The following EXOC6B variants were observed in gnomAD, a reference collection of about 807,000 sequenced individuals.
EXOC6B encodes SEC15 homolog B.
In EXOC6B, 54 loss-of-function variants were observed where a neutral mutation model predicts 113.5. That is an observed-to-expected ratio of 0.48 (90% CI 0.38 to 0.60). The LOEUF (loss-of-function observed/expected upper bound fraction) is 0.60. Ranked by LOEUF, EXOC6B falls within the 20% of genes least tolerant of loss-of-function variation. The pLI is 0.00. For synonymous variants in EXOC6B, 357 were observed against 339.0 expected (o/e 1.05, Z -0.58); for missense variants, 797 against 977.5 (o/e 0.82, Z 2.46).
intron 18 of EXOC6B, among the ~76,000 whole-genome samples, chr2:72,401,883 G>C (rs1693357806): frequency 6.7e-6 from 1 of 149,906 alleles, no homozygotes; most frequent in Non-Finnish European, 1.5e-5. Flanking sequence ...AAAAATTATA[G>C]CATCAATAAT....
intron 20 of EXOC6B, among the ~76,000 whole-genome samples, chr2:72,209,223 CAAAAAAAAAAAAAAA>C (rs1170760516): frequency 1.8e-5 from 1 of 57,104 alleles, no homozygotes; most frequent in Non-Finnish European, 3.3e-5. Context: ...AACTCAGTCT[CAAAAAAAAAAAAAAA>C]AAAAAAAAAG....
At chr2:72,691,904 G>C (rs1378306943) in intron 6 of EXOC6B, among the ~76,000 whole-genome samples, 1 of 151,626 alleles carries the variant, frequency 6.6e-6, no homozygotes, top group Non-Finnish European at 1.5e-5. Flanking sequence ...GTCTGGTCTT[G>C]AAATCCTGAC....
chr2:72,377,842 TG>T (rs1433932182), intron 19 of EXOC6B, among the ~76,000 whole-genome samples: 1 of 152,140 alleles, frequency 6.6e-6, no homozygotes, highest in Non-Finnish European at 1.5e-5. Flanking sequence ...AAGGAGACTT[TG>T]TTTTTTTAAC....
At chr2:72,472,631 T>C (rs891777912) in intron 17 of EXOC6B, among the ~76,000 whole-genome samples, 1 of 152,092 alleles carries the variant, frequency 6.6e-6, no homozygotes, top group Non-Finnish European at 1.5e-5. Flanking sequence ...TTATCAATTT[T>C]ACCTTTTCAA....
chr2:72,368,478 A>T (rs533138455), intron 19 of EXOC6B, among the ~76,000 whole-genome samples: 1 of 152,310 alleles, frequency 6.6e-6, no homozygotes, highest in Admixed American at 6.5e-5. Context: ...TATTCCAATC[A>T]ATAGAAAAAG....
intron 16 of EXOC6B, among the ~76,000 whole-genome samples, chr2:72,489,775 G>A (rs968600604): frequency 2.0e-5 from 3 of 152,120 alleles, no homozygotes; most frequent in African/African-American, 7.2e-5. Context: ...ATAATGAATA[G>A]TCACATAAAG....
chr2:72,688,112 A>G (rs1404706724), intron 6 of EXOC6B, among the ~76,000 whole-genome samples: 2 of 152,230 alleles, frequency 1.3e-5, no homozygotes, highest in African/African-American at 4.8e-5. Flanking sequence ...GAATGGGAGA[A>G]TAACTTCGAT....
At chr2:72,408,033 C>T (rs1384393766) in intron 18 of EXOC6B, among the ~76,000 whole-genome samples, 1 of 149,660 alleles carries the variant, frequency 6.7e-6, no homozygotes, top group African/African-American at 2.6e-5. Context: ...GATAGAAAAT[C>T]AATGTGCACA....
At chr2:72,679,315 G>T (rs955033190) in intron 6 of EXOC6B, among the ~76,000 whole-genome samples, 2 of 152,024 alleles carry the variant, frequency 1.3e-5, no homozygotes. Context: ...TGATCCACTC[G>T]CCTCAGCCTC....
chr2:72,438,187 T>C (rs1243034215), intron 18 of EXOC6B, among the ~76,000 whole-genome samples: 2 of 152,116 alleles, frequency 1.3e-5, no homozygotes, highest in Non-Finnish European at 2.9e-5. Flanking sequence ...AAATTAGAAT[T>C]GTATTACACC....
At chr2:72,246,747 G>A (rs1252664237) in intron 20 of EXOC6B, among the ~76,000 whole-genome samples, 1 of 151,948 alleles carries the variant, frequency 6.6e-6, no homozygotes, top group Non-Finnish European at 1.5e-5. Context: ...CAAAGCACTG[G>A]GTTTACAGGC....
At chr2:72,600,964 G>T (rs555207187) in intron 6 of EXOC6B, among the ~76,000 whole-genome samples, 1 of 151,742 alleles carries the variant, frequency 6.6e-6, no homozygotes, top group African/African-American at 2.4e-5. Flanking sequence ...AAAAAAAAAG[G>T]GAAAGGATTC....
At chr2:72,306,627 A>T (rs551893231) in intron 20 of EXOC6B, among the ~76,000 whole-genome samples, 1 of 152,318 alleles carries the variant, frequency 6.6e-6, no homozygotes, top group Admixed American at 6.5e-5. Context: ...ACCCTCTTTA[A>T]GTAATTTTAT....
At chr2:72,267,201 A>G (rs1331414594) in intron 20 of EXOC6B, among the ~76,000 whole-genome samples, 1 of 152,220 alleles carries the variant, frequency 6.6e-6, no homozygotes. Context: ...GTTGTCTGCA[A>G]ACAGGGACAA....
intron 20 of EXOC6B, among the ~76,000 whole-genome samples, chr2:72,198,772 C>T (rs1003658941): frequency 1.3e-5 from 2 of 152,174 alleles, no homozygotes; most frequent in Admixed American, 1.3e-4. Flanking sequence ...TCTCTGAGTT[C>T]TTTTGTATGT....
intron 18 of EXOC6B, among the ~76,000 whole-genome samples, chr2:72,416,098 CA>C (rs2105241916): frequency 6.6e-6 from 1 of 152,250 alleles, no homozygotes; most frequent in African/African-American, 2.4e-5. Context: ...GCTTTCATGG[CA>C]GAGGGATGAC....
intron 19 of EXOC6B, among the ~76,000 whole-genome samples, chr2:72,357,722 A>T (rs1690056069): frequency 6.6e-6 from 1 of 152,064 alleles, no homozygotes; most frequent in African/African-American, 2.4e-5. Context: ...GAACTGAAAA[A>T]TTCCTATTGC....
At chr2:72,476,144 T>C (rs1698725377) in intron 17 of EXOC6B, among the ~76,000 whole-genome samples, 1 of 152,164 alleles carries the variant, frequency 6.6e-6, no homozygotes, top group Non-Finnish European at 1.5e-5. Context: ...CTATGTTAGT[T>C]TCAGGGCAAG....
In EXOC6B at chr2:72,500,363, AAC is replaced by A. The variant is rs1228364207; in HGVS notation, c.1168-393_1168-392del. On this transcript the variant is annotated intron_variant, in intron 11 of 21. Transcript: ENST00000272427. The stretch of plus-strand genomic sequence containing the variant: ...GTATTTCTTTATGTAAACATCACAA[AAC>A]ACAAAAGATTGAAAATAAACAAACT... 8.5e-5 allele frequency among the ~76,000 whole-genome samples: 13 copies of A among 152,272 alleles called. No individual in the cohort carries two copies. In the South Asian group the frequency reaches 2.5e-3, roughly 30 times the overall value.
Sources: gnomAD v4.1 joint callset for allele counts (sites outside exome capture counted in the v4.1 genomes callset) on GRCh38, gnomAD v4.1.1 for gene constraint, MANE v1.5 for transcripts, NCBI Gene and HGNC (gene_info 2026-07-23, HGNC 2026-07-21) for gene names.